Variants in SSPN observed in about 807,000 individuals in gnomAD.
The protein encoded by SSPN is K-ras oncogene-associated protein.
A neutral mutation model predicts 19.1 loss-of-function variants in SSPN; 15 were observed. The ratio of observed to expected loss-of-function variants is 0.78; its 90% CI spans 0.52 to 1.21. The LOEUF is 1.21. Among genes scored for constraint, SSPN ranks in the 50% most tolerant of loss-of-function variants. SSPN has a pLI of 0.00. For missense variants in SSPN, 291 were observed against 314.0 expected (o/e 0.93, Z 0.55); for synonymous variants, 147 against 140.3 (o/e 1.05, Z -0.34).
intron 1 of SSPN, among the ~76,000 whole-genome samples, chr12:26,133,330 A>G (rs969528645): frequency 1.3e-5 from 2 of 152,098 alleles, no homozygotes; most frequent in Non-Finnish European, 2.9e-5. Context: ...CCAATTAATA[A>G]CAATATCTGA....
At chr12:26,196,626 A>G (rs74377625) in intron 1 of SSPN, among the ~76,000 whole-genome samples, 2,147 of 152,336 alleles carry the variant, frequency 0.014, 33 homozygotes, top group Middle Eastern at 0.051. Flanking sequence ...GTGTTGAAAC[A>G]TGTAGCATAC....
intron 1 of SSPN, among the ~76,000 whole-genome samples, chr12:26,170,218 C>T (rs912219472): frequency 1.3e-5 from 2 of 152,184 alleles, no homozygotes; most frequent in Admixed American, 1.3e-4. Flanking sequence ...TTTATTTGTA[C>T]ACCTAAGTGT....
chr12:26,124,520 T>C, intron 1 of SSPN: 1 of 1,613,988 alleles, frequency 6.2e-7, no homozygotes, highest in South Asian at 1.1e-5. Flanking sequence ...TACACTTACC[T>C]TGGTGTCGTC....
intron 1 of SSPN, among the ~76,000 whole-genome samples, chr12:26,168,257 A>G (rs1030622055): frequency 2.0e-5 from 3 of 152,106 alleles, no homozygotes; most frequent in Admixed American, 1.3e-4. Flanking sequence ...ACATATTTGT[A>G]AGATTACATA....
At chr12:26,143,630 G>A (rs1182816089) in intron 1 of SSPN, among the ~76,000 whole-genome samples, 1 of 152,272 alleles carries the variant, frequency 6.6e-6, no homozygotes, top group South Asian at 2.1e-4. Context: ...AAATGACTTT[G>A]CTAATTTAAT....
chr12:26,149,514 C>T (rs1480032), intron 1 of SSPN, among the ~76,000 whole-genome samples: 120,825 of 152,186 alleles, frequency 0.79, 52,636 homozygotes, highest in Non-Finnish European at 0.96. Context: ...CTAGTGCTCC[C>T]CTGTGGCAAG....
chr12:26,155,384 G>A (rs1356834627), intron 1 of SSPN, among the ~76,000 whole-genome samples: 1 of 152,190 alleles, frequency 6.6e-6, no homozygotes, highest in Non-Finnish European at 1.5e-5. Flanking sequence ...AAAATGGAAG[G>A]GGATGGTGTT....
At chr12:26,175,482 A>G (rs1944678005) in intron 1 of SSPN, among the ~76,000 whole-genome samples, 2 of 152,206 alleles carry the variant, frequency 1.3e-5, no homozygotes, top group South Asian at 4.1e-4. Context: ...CTCCCAGTCT[A>G]TAGATCACCA....
intron 1 of SSPN, chr12:26,123,276 G>A: frequency 7.3e-7 from 1 of 1,377,390 alleles, no homozygotes; most frequent in Non-Finnish European, 9.7e-7. Flanking sequence ...CGACTAAAGT[G>A]ATCTCGGTTT....
At chr12:26,172,771 T>C (rs1451881972) in intron 1 of SSPN, among the ~76,000 whole-genome samples, 2 of 152,142 alleles carry the variant, frequency 1.3e-5, no homozygotes, top group East Asian at 3.9e-4. Context: ...CTCTCTCTTT[T>C]TTTTTTTTTG....
intron 1 of SSPN, among the ~76,000 whole-genome samples, chr12:26,215,356 T>G (rs1034000022): frequency 2.0e-5 from 3 of 152,198 alleles, no homozygotes; most frequent in Non-Finnish European, 2.9e-5. Flanking sequence ...AAGCAATTAG[T>G]AATGAGTAAT....
At chr12:26,197,540 G>A (rs536943851) in intron 1 of SSPN, among the ~76,000 whole-genome samples, 1 of 152,310 alleles carries the variant, frequency 6.6e-6, no homozygotes, top group South Asian at 2.1e-4. Flanking sequence ...ATTTGCAAAT[G>A]TGTTCCCCAT....
At position 26,205,532 on chromosome 12, in the gene SSPN, A is replaced by G. The variant is rs1252986475; in HGVS notation, c.279+9581A>G. ...GATCTCACAGGCTTAGCCCTATCTC[A>G]CATTTAGCTATGCCAGGAAAGCTAT... On this transcript the variant is annotated intron_variant, in intron 1 of 2. Transcript: ENST00000242729. Among the ~76,000 whole-genome samples, 3 of 152,188 alleles carry G rather than the reference A, an allele frequency of 2.0e-5. No individual in the cohort carries two copies. The East Asian group carries it at 5.8e-4, about 29-fold the overall frequency.
At chr12:26,136,262 A>G (rs1454045919) in intron 1 of SSPN, among the ~76,000 whole-genome samples, 2 of 152,228 alleles carry the variant, frequency 1.3e-5, no homozygotes, top group Admixed American at 1.3e-4. Context: ...GGATTTTGGT[A>G]TCCACCGGAG....
chr12:26,200,647 G>A (rs1425599958), intron 1 of SSPN, among the ~76,000 whole-genome samples: 1 of 152,136 alleles, frequency 6.6e-6, no homozygotes, highest in African/African-American at 2.4e-5. Flanking sequence ...AAACCCTCAA[G>A]TCAAGAAGCT....
upstream of SSPN, among the ~76,000 whole-genome samples, chr12:26,190,389 G>A (rs1009690267): frequency 3.3e-5 from 5 of 152,210 alleles, no homozygotes; most frequent in Non-Finnish European, 5.9e-5. Context: ...GAAACAACAC[G>A]CTTTCAAGAT....
At chr12:26,152,385 ATAATT>A (rs1378156978) in intron 1 of SSPN, among the ~76,000 whole-genome samples, 1 of 152,208 alleles carries the variant, frequency 6.6e-6, no homozygotes, top group African/African-American at 2.4e-5. Context: ...TTTGCCTAAT[ATAATT>A]TATTTAATTA....
chr12:26,194,342 G>A (rs539475354), upstream of SSPN, among the ~76,000 whole-genome samples: 9 of 152,284 alleles, frequency 5.9e-5, no homozygotes, highest in Admixed American at 4.6e-4. Flanking sequence ...GAGTAAAAGC[G>A]TCTATCTCTA....
chr12:26,137,654 A>ATTTTT (rs1269817874), intron 1 of SSPN, among the ~76,000 whole-genome samples: 3 of 55,036 alleles, frequency 5.5e-5, no homozygotes, highest in East Asian at 4.6e-4. Context: ...ATATATATAT[A>ATTTTT]TATTTTTTTT....
Sources: allele counts gnomAD v4.1 joint callset (sites outside exome capture counted in the v4.1 genomes callset), GRCh38; gene constraint gnomAD v4.1.1; transcripts MANE v1.5; gene names NCBI Gene and HGNC (gene_info 2026-07-23, HGNC 2026-07-21).